The following PRAMEF9 variants were observed in gnomAD, a reference collection of about 807,000 sequenced individuals.
The protein encoded by PRAMEF9 is PRAME family member 9.
Under a neutral mutation model 10.9 loss-of-function variants are expected in PRAMEF9, and 1 was observed. The observed-to-expected ratio is 0.09, with a 90% confidence interval of 0.03 to 0.44. The LOEUF (loss-of-function observed/expected upper bound fraction) is 0.44, where lower values mean the gene tolerates loss of function less well. Among genes scored for constraint, PRAMEF9 ranks in the 20% least tolerant of loss-of-function variants. The pLI is 0.97. For missense variants in PRAMEF9, 126 were observed against 379.8 expected (o/e 0.33, Z 5.55); for synonymous variants, 40 against 148.3 (o/e 0.27, Z 5.31).
chr1:13,172,566 C>T (rs1464363652), intron 1 of PRAMEF9, 34 bp downstream of exon 1: 6 of 140,212 alleles, frequency 4.3e-5, no homozygotes, highest in Admixed American at 1.5e-4. Flanking sequence ...ACACTCCCAT[C>T]TGACCTACAG....
At position 13,171,899 on chromosome 1, in the gene PRAMEF9, T is replaced by TAA. The variant is rs1410939545; in HGVS notation, c.-648_-647dup. 3.0e-5 allele frequency: 3 copies of TAA among 99,922 alleles called. No individual in the cohort carries two copies. Among genetic ancestry groups the TAA allele is most frequent in the African/African-American group, 9.2e-5 (3 of 32,544 alleles). 6.2% of individuals were successfully genotyped at this position (99,922 alleles called of 1,614,324 possible). ...TTTTCTTTTTTTTTTTTTTTTTTTT[T>TAA]AAATCTAGCCTATTTCCCAGGCTGG... On this transcript the variant is annotated 5_prime_UTR_variant, in exon 1 of 4. Coordinates refer to ENST00000415919, the MANE Select transcript of PRAMEF9 (RefSeq NM_001010890.3).
Position 13,179,016 on chromosome 1 carries a change from A to G in PRAMEF9, c.1321A>G (p.Met441Val), listed in dbSNP as rs782445435. 1 of 1,541,696 alleles carries G rather than the reference A, an allele frequency of 6.5e-7. No homozygotes were observed. Among genetic ancestry groups the G allele is most frequent in the Non-Finnish European group, 8.9e-7 (1 of 1,123,132 alleles). ...SRFAQIRAEL[M>V]NRVRDLRHPK... is the part of the protein sequence containing the mutation. ...ATTTGCTCAAATTAGGGCTGAGCTG[A>G]TGAACAGAGTGAGGGACTTAAGGCA... The change falls in exon 4 of 4, where the codon ATG (methionine) becomes GTG (valine). Residue 441 changes from methionine to valine, a missense_variant. Transcript: ENST00000415919.
chr1:13,172,065 G>C lies in PRAMEF9; in HGVS notation c.-484G>C, dbSNP rs1457915539. On this transcript the variant is annotated 5_prime_UTR_variant, in exon 1 of 4. Transcript: ENST00000415919. ...AATTTTTGTAATTTTAGTAGAGGTA[G>C]GGTTTTACCATGTTGGCCAGGCTTG... 1 of 143,174 alleles carries C rather than the reference G, an allele frequency of 7.0e-6. No homozygotes were observed. Among genetic ancestry groups the C allele is most frequent in the Non-Finnish European group, 1.6e-5 (1 of 63,368 alleles). The allele number at this position is 143,174 out of a possible 1,614,324, so 8.9% of individuals were successfully genotyped here. A position where few individuals can be genotyped will look rare whatever the true frequency, so the allele number is the denominator to read the frequency against.
In PRAMEF9 at chr1:13,172,535, A is replaced by G. The variant is rs1638337049; in HGVS notation, c.-17+3A>G. 1 of 140,682 alleles carries G rather than the reference A, an allele frequency of 7.1e-6. No individual in the cohort carries two copies. The highest frequency in any genetic ancestry group is 2.4e-4 in the East Asian group (1 of 4,210). The allele number at this position is 140,682 out of a possible 1,614,324, so 8.7% of individuals were successfully genotyped here. A position where few individuals can be genotyped will look rare whatever the true frequency, so the allele number is the denominator to read the frequency against. Reference sequence around the variant, plus strand: ...CTTCTAAACTACATCCAGATCTGGTAAGTCACTAATTTCTGTAAGGACACT... The same window carrying G: ...CTTCTAAACTACATCCAGATCTGGTGAGTCACTAATTTCTGTAAGGACACT... On this transcript the variant is annotated splice_donor_region_variant and intron_variant, in intron 1 of 3. Transcript: ENST00000415919.
intron 1 of PRAMEF9, 51 bp from the exon 2 acceptor site, chr1:13,175,214 A>C: frequency 7.3e-7 from 1 of 1,370,568 alleles, no homozygotes; most frequent in Non-Finnish European, 1.0e-6. Context: ...ATGAGATTGC[A>C]TGGGCTTGGC....
In PRAMEF9 at chr1:13,172,266, C is replaced by A. The variant is rs1438132506; in HGVS notation, c.-283C>A. 4.1e-5 allele frequency: 6 copies of A among 144,856 alleles called. No individual in the cohort carries two copies. In the South Asian group the frequency reaches 8.7e-4, roughly 21 times the overall value. The allele number at this position is 144,856 out of a possible 1,614,324, so 9.0% of individuals were successfully genotyped here. A position where few individuals can be genotyped will look rare whatever the true frequency, so the allele number is the denominator to read the frequency against. On this transcript the variant is annotated 5_prime_UTR_variant, in exon 1 of 4. Coordinates refer to ENST00000415919, the MANE Select transcript of PRAMEF9 (RefSeq NM_001010890.3). Reference sequence around the variant, plus strand: ...AATATAGATATGTGATATGAATGGACATCTGATTCAATCCATTAATCTGGG... The same window carrying A: ...AATATAGATATGTGATATGAATGGAAATCTGATTCAATCCATTAATCTGGG...
chr1:13,172,394 G>T lies in PRAMEF9; in HGVS notation c.-155G>T, dbSNP rs1638334362. 1 of 143,760 alleles carries T rather than the reference G, an allele frequency of 7.0e-6. No homozygotes were observed. Among genetic ancestry groups the T allele is most frequent in the African/African-American group, 2.4e-5 (1 of 40,970 alleles). The allele number at this position is 143,760 out of a possible 1,614,324, so 8.9% of individuals were successfully genotyped here. ...GAAGCTAGCAGCGGATACGTGGAGG[G>T]GCGTGGGTGGGAGTTATGATTAGAA... is the stretch of plus-strand genomic sequence containing the variant. On this transcript the variant is annotated 5_prime_UTR_variant, in exon 1 of 4. Coordinates refer to ENST00000415919, the MANE Select transcript of PRAMEF9 (RefSeq NM_001010890.3).
chr1:13,175,019 G>T (rs1397946813), intron 1 of PRAMEF9: 1 of 461,904 alleles, frequency 2.2e-6, no homozygotes, highest in Non-Finnish European at 4.0e-6. Flanking sequence ...CTAGTCACTG[G>T]ATGGAGCACT....
At chr1:13,177,720 A>T (rs1363349882) in intron 3 of PRAMEF9, 1 of 48,212 alleles carries the variant, frequency 2.1e-5, no homozygotes, top group African/African-American at 4.5e-5. Context: ...GGTGAACATG[A>T]ATGATCCCAT....
Position 13,172,640 on chromosome 1 carries a change from T to TA in PRAMEF9, c.-17+108_-17+109insA, listed in dbSNP as rs1553184704. ...GCAGAGAGCTATATCCTGTCCTTTT[T>TA]TATATATATATATGAACAATTTGAA... On this transcript the variant is annotated intron_variant, in intron 1 of 3. Coordinates refer to ENST00000415919, the MANE Select transcript of PRAMEF9 (RefSeq NM_001010890.3). 22 of 135,446 alleles carry TA rather than the reference T, an allele frequency of 1.6e-4. 2 individuals are homozygous for TA. Among genetic ancestry groups the TA allele is most frequent in the Non-Finnish European group, 2.3e-4 (14 of 59,978 alleles). The allele number at this position is 135,446 out of a possible 1,614,324, so 8.4% of individuals were successfully genotyped here.
At position 13,175,212 on chromosome 1, in the gene PRAMEF9, G is replaced by T. The variant is rs1301616552; in HGVS notation, c.-16-53G>T. On this transcript the variant is annotated intron_variant, in intron 1 of 3. Transcript: ENST00000415919. ...TTTGGCCATAGGAGAAGATGAGATT[G>T]CATGGGCTTGGCCTGAGAGTGATGC... 31 of 1,363,786 alleles carry T rather than the reference G, an allele frequency of 2.3e-5. 5 individuals are homozygous for T. In the Admixed American group the frequency reaches 5.9e-4, roughly 26 times the overall value. The allele number at this position is 1,363,786 out of a possible 1,614,324, so 84.5% of individuals were successfully genotyped here.
intron 1 of PRAMEF9, 163 bp downstream of exon 1, chr1:13,172,695 C>A (rs1272011057): frequency 7.4e-6 from 1 of 134,710 alleles, no homozygotes; most frequent in African/African-American, 2.5e-5. Context: ...AAATGCAGTT[C>A]TGTCTTTATT....
In PRAMEF9 at chr1:13,172,273, T is replaced by C. The variant is rs1471915909; in HGVS notation, c.-276T>C. The stretch of plus-strand genomic sequence containing the variant: ...ATATGTGATATGAATGGACATCTGA[T>C]TCAATCCATTAATCTGGGGAGAGCC... On this transcript the variant is annotated 5_prime_UTR_variant, in exon 1 of 4. Coordinates refer to ENST00000415919, the MANE Select transcript of PRAMEF9 (RefSeq NM_001010890.3). 2.1e-5 allele frequency: 3 copies of C among 144,862 alleles called. No individual in the cohort carries two copies. The highest frequency in any genetic ancestry group is 2.2e-4 in the South Asian group (1 of 4,588). The allele number at this position is 144,862 out of a possible 1,614,324, so 9.0% of individuals were successfully genotyped here. A position where few individuals can be genotyped will look rare whatever the true frequency, so the allele number is the denominator to read the frequency against.
rs2100350979 is a variant in PRAMEF9, at chr1:13,172,123, C to T, written c.-426C>T. ...CTCCTGACCTCAGATAATCCACCTG[C>T]CTCTGCCTCCCACAGTGCTGGGATT... On this transcript the variant is annotated 5_prime_UTR_variant, in exon 1 of 4. Coordinates refer to ENST00000415919, the MANE Select transcript of PRAMEF9 (RefSeq NM_001010890.3). 6.9e-6 allele frequency: 1 copy of T among 144,548 alleles called. No individual in the cohort carries two copies. The highest frequency in any genetic ancestry group is 2.2e-4 in the East Asian group (1 of 4,638). 9.0% of individuals were successfully genotyped at this position (144,548 alleles called of 1,614,324 possible). A position where few individuals can be genotyped will look rare whatever the true frequency, so the allele number is the denominator to read the frequency against.
chr1:13,172,146 A>G lies in PRAMEF9; in HGVS notation c.-403A>G, dbSNP rs1638328856. 6.9e-6 allele frequency: 1 copy of G among 144,508 alleles called. No homozygotes were observed. The highest frequency in any genetic ancestry group is 7.0e-5 in the Admixed American group (1 of 14,258). The allele number at this position is 144,508 out of a possible 1,614,324, so 9.0% of individuals were successfully genotyped here. ...TGCCTCTGCCTCCCACAGTGCTGGG[A>G]TTACAGGTGTGAGCCACTTCGTCTG... is the stretch of plus-strand genomic sequence containing the variant. On this transcript the variant is annotated 5_prime_UTR_variant, in exon 1 of 4. Transcript: ENST00000415919.
chr1:13,175,205 T>A (rs1638363113), intron 1 of PRAMEF9, 60 bp from the exon 2 acceptor site: 2 of 1,340,108 alleles, frequency 1.5e-6, no homozygotes, highest in African/African-American at 2.8e-5. Flanking sequence ...TAGGAGAAGA[T>A]GAGATTGCAT....
At chr1:13,172,827 G>C (rs1448050036) in intron 1 of PRAMEF9, 2 of 141,772 alleles carry the variant, frequency 1.4e-5, no homozygotes, top group Admixed American at 7.2e-5. Flanking sequence ...CAGCCCAGGG[G>C]TTTGAGACCA....
Position 13,172,097 on chromosome 1 carries a change from A to C in PRAMEF9, c.-452A>C, listed in dbSNP as rs1569608060. On this transcript the variant is annotated 5_prime_UTR_variant, in exon 1 of 4. Transcript: ENST00000415919. Reference sequence around the variant, plus strand: ...ACCATGTTGGCCAGGCTTGTCTCAAACTCCTGACCTCAGATAATCCACCTG... The same window carrying C: ...ACCATGTTGGCCAGGCTTGTCTCAACCTCCTGACCTCAGATAATCCACCTG... 7.0e-6 allele frequency: 1 copy of C among 142,390 alleles called. No individual in the cohort carries two copies. The highest frequency in any genetic ancestry group is 1.6e-5 in the Non-Finnish European group (1 of 62,978). The allele number at this position is 142,390 out of a possible 1,614,324, so 8.8% of individuals were successfully genotyped here.
chr1:13,173,324 T>C (rs1478356538), intron 1 of PRAMEF9: 4 of 51,588 alleles, frequency 7.8e-5, no homozygotes, highest in African/African-American at 1.8e-4. Context: ...TCAAAAAGGA[T>C]CTTTGACCTT....
Sources: gnomAD v4.1 joint callset for allele counts on GRCh38, gnomAD v4.1.1 for gene constraint, MANE v1.5 for transcripts, NCBI Gene and HGNC (gene_info 2026-07-23, HGNC 2026-07-21) for gene names.